LAMB1: variants seen among roughly 807,000 people sequenced by gnomAD.
The protein encoded by LAMB1 is laminin subunit beta-1.
LAMB1 carries 121 observed loss-of-function variants against 222.3 expected under a neutral mutation model. That is an observed-to-expected ratio of 0.54 (90% confidence interval 0.47 to 0.63). The LOEUF is 0.63. LAMB1 is among the 30% of genes least tolerant of loss of function. The probability of loss-of-function intolerance (pLI) is 0.00; values close to 1 mark genes in which losing one functional copy is unlikely to be tolerated. For missense variants in LAMB1, 2,172 were observed against 2,240.8 expected, an observed-to-expected ratio of 0.97 and a Z score of 0.62; for synonymous variants, 794 against 807.2, an observed-to-expected ratio of 0.98 and a Z score of 0.28.
In LAMB1 at chr7:107,937,151, G is replaced by T; in HGVS notation, c.3888C>A (p.Asp1296Glu). ...GTTCAGCAAGTTCTTTCACAGTGTT[G>T]TCTAGGCTTTCGGCTTCTGTCTGTA... ...DSLQTEAESL[D>E]NTVKELAEQL... The change falls in exon 26 of 34, where the codon GAC becomes GAA. Residue 1296 changes from aspartate (D) to glutamate (E), a missense_variant. Asp to Glu is a conservative substitution (Grantham distance 45). Coordinates refer to ENST00000222399, the MANE Select transcript of LAMB1 (RefSeq NM_002291.3). 1 of 1,614,084 alleles carries T rather than the reference G, an allele frequency of 6.2e-7. No homozygotes were observed. Among genetic ancestry groups the T allele is most frequent in the South Asian group, 1.1e-5 (1 of 91,080 alleles).
chr7:107,958,980 T>C (rs1018870458), intron 20 of LAMB1, among the ~76,000 whole-genome samples: 9 of 152,208 alleles, frequency 5.9e-5, no homozygotes, highest in Admixed American at 2.0e-4. Flanking sequence ...TACAGCCCTA[T>C]GGTAAGCTCT....
intron 7 of LAMB1, among the ~76,000 whole-genome samples, chr7:107,983,575 CAG>C (rs1491175025): frequency 3.2e-4 from 35 of 108,086 alleles, no homozygotes; most frequent in South Asian, 1.3e-3. Flanking sequence ...TTTTTTGAGA[CAG>C]AGTCTTGCTC....
chr7:107,990,465 A>T (rs930619855), intron 5 of LAMB1, among the ~76,000 whole-genome samples: 7 of 152,324 alleles, frequency 4.6e-5, no homozygotes, highest in Admixed American at 2.6e-4. Flanking sequence ...GGGGGAAAAA[A>T]ATCAACAACC....
intron 32 of LAMB1, among the ~76,000 whole-genome samples, chr7:107,924,722 T>C (rs2032520618): frequency 6.6e-6 from 1 of 152,172 alleles, no homozygotes; most frequent in African/African-American, 2.4e-5. Context: ...GATTAGACAT[T>C]AGAGAAGCCC....
chr7:107,982,167 G>A (rs1214161672), intron 7 of LAMB1, among the ~76,000 whole-genome samples: 2 of 152,122 alleles, frequency 1.3e-5, no homozygotes, highest in African/African-American at 2.4e-5. Flanking sequence ...CTAGACAAAC[G>A]AAGAGCCATT....
rs2033840715 is a variant in LAMB1 at position 107,975,723 on chromosome 7, T to C, written c.1155A>G (p.Pro385=). The C allele has an allele frequency of 6.2e-7, 1 of 1,613,296 alleles. No homozygotes were observed. Among genetic ancestry groups the C allele is most frequent in the Non-Finnish European group, 8.5e-7 (1 of 1,179,626 alleles). The change falls in exon 10 of 34, where the codon CCA becomes CCG. Residue 385 remains proline (P), a synonymous_variant. Transcript: ENST00000222399. ...AATTAGGATCTCGGATGTCCCTCTC[T>C]GGGTGCTGGTAGTAAAACGGCTTGC... ...EQCKPFYYQH[P]ERDIRDPNFC...
intron 7 of LAMB1, among the ~76,000 whole-genome samples, chr7:107,984,251 A>AT (rs1259975451): frequency 6.6e-6 from 1 of 151,688 alleles, no homozygotes; most frequent in African/African-American, 2.4e-5. Context: ...TCCACATCTC[A>AT]TTTTTTTGTT....
At chr7:107,983,497 T>C (rs2034013058) in intron 7 of LAMB1, among the ~76,000 whole-genome samples, 1 of 151,786 alleles carries the variant, frequency 6.6e-6, no homozygotes. Flanking sequence ...ACTGAACACA[T>C]TTATGATTTA....
chr7:108,002,464 T>C (rs1235323045), intron 2 of LAMB1: 1 of 1,278,238 alleles, frequency 7.8e-7, no homozygotes, highest in South Asian at 1.4e-5. Flanking sequence ...AAGCCTCCGC[T>C]CAGCTCAGGC....
At position 107,952,173 on chromosome 7, in the gene LAMB1, C is replaced by T; in HGVS notation, c.3130G>A (p.Asp1044Asn). The T allele has an allele frequency of 6.2e-7, 1 of 1,613,464 alleles. No homozygotes were observed. The highest frequency in any genetic ancestry group is 8.5e-7 in the Non-Finnish European group (1 of 1,179,538). Residue 1044 changes from aspartate to asparagine, a missense_variant, in exon 23 of 34, where the codon GAC becomes AAC. Transcript: ENST00000222399. ...CCAGTGGCTTTGTCGCACTGGCAGT[C>T]AGAGCCGTTACAGTGCTCTTGCACG... ...GTVQEHCNGS[D>N]CQCDKATGQC...
At chr7:107,974,816 C>G (rs1375285781) in intron 12 of LAMB1, among the ~76,000 whole-genome samples, 170 bp downstream of exon 12, 2 of 152,202 alleles carry the variant, frequency 1.3e-5, no homozygotes, top group East Asian at 3.9e-4. Context: ...GGATGGTGAA[C>G]ATCTTGTGAA....
intron 24 of LAMB1, 156 bp from the exon 25 acceptor site, chr7:107,940,514 C>T: frequency 1.4e-6 from 1 of 704,002 alleles, no homozygotes; most frequent in Non-Finnish European, 2.3e-6. Context: ...TAGCAGCTTC[C>T]TCTAGCACAT....
At chr7:107,964,195 T>C (rs962512860) in intron 14 of LAMB1, among the ~76,000 whole-genome samples, 1 of 152,228 alleles carries the variant, frequency 6.6e-6, no homozygotes, top group South Asian at 2.1e-4. Flanking sequence ...CAGGCATACA[T>C]TTAAAGTCAC....
In LAMB1 at chr7:107,931,409, T is replaced by G. The variant is rs2032707365; in HGVS notation, c.4484A>C (p.Lys1495Thr). Reference protein sequence around the residue: ...KTNATKEKMDKSNEELRNLIK... With the variant: ...KTNATKEKMDTSNEELRNLIK... ...TAGATTTCTCAGCTCCTCATTGCTC[T>G]TGTCCATTTTTTCTTTGGTAGCATT... Residue 1495 changes from lysine (K) to threonine (T), a missense_variant, in exon 29 of 34, where the codon AAG becomes ACG. Physicochemically the swap from Lys to Thr is moderately conservative, Grantham distance 78. Coordinates refer to ENST00000222399, the MANE Select transcript of LAMB1 (RefSeq NM_002291.3). 6.2e-7 allele frequency: 1 copy of G among 1,613,824 alleles called. No individual in the cohort carries two copies. The highest frequency in any genetic ancestry group is 8.5e-7 in the Non-Finnish European group (1 of 1,179,884).
At chr7:107,938,618 C>G (rs2032906622) in intron 25 of LAMB1, among the ~76,000 whole-genome samples, 1 of 152,144 alleles carries the variant, frequency 6.6e-6, no homozygotes, top group African/African-American at 2.4e-5. Context: ...TTCTGGCAGG[C>G]TCTCAAAGGA....
intron 7 of LAMB1, among the ~76,000 whole-genome samples, chr7:107,984,520 A>G (rs1035267402): frequency 6.6e-5 from 10 of 152,138 alleles, no homozygotes; most frequent in Non-Finnish European, 1.3e-4. Context: ...AGTGCTGGGG[A>G]TTACGGAGTG....
rs1310243588 is a variant in LAMB1 at position 107,957,391 on chromosome 7, AAAAC to A, written c.2691-1765_2691-1762del. On this transcript the variant is annotated intron_variant, in intron 20 of 33. Coordinates refer to ENST00000222399, the MANE Select transcript of LAMB1 (RefSeq NM_002291.3). ...GAGCAACAGAATGAGACTCCATCTC[AAAAC>A]AAACAAACAACAACAACAACAAAAA... Among the ~76,000 whole-genome samples, 9 of 152,164 alleles carry A rather than the reference AAAAC, an allele frequency of 5.9e-5. 1 individual carries two copies. The highest frequency in any genetic ancestry group is 4.6e-4 in the Admixed American group (7 of 15,288).
At chr7:108,002,511 C>A in intron 2 of LAMB1, 3 of 1,085,382 alleles carry the variant, frequency 2.8e-6, no homozygotes, top group Non-Finnish European at 3.7e-6. Flanking sequence ...GAGCCCTCCT[C>A]GGTCAGCACC....
At chr7:107,934,670 AT>A (rs2032796204) in intron 27 of LAMB1, among the ~76,000 whole-genome samples, 2 of 152,144 alleles carry the variant, frequency 1.3e-5, no homozygotes, top group African/African-American at 4.8e-5. Context: ...CCGTGAAAAA[AT>A]TCTTTTGCTC....
Sources: allele counts gnomAD v4.1 joint callset (sites outside exome capture counted in the v4.1 genomes callset), GRCh38; gene constraint gnomAD v4.1.1; transcripts MANE v1.5; gene names NCBI Gene and HGNC (gene_info 2026-07-23, HGNC 2026-07-21).